Variants in ERBB4 observed in about 807,000 individuals in gnomAD.
The protein encoded by ERBB4 is erb-b2 receptor tyrosine kinase 4.
A neutral mutation model predicts 158.0 loss-of-function variants in ERBB4; 42 were observed. The ratio of observed to expected loss-of-function variants is 0.27; its 90% CI spans 0.21 to 0.34. ERBB4 has a LOEUF of 0.34. Ranked by LOEUF, ERBB4 falls within the 10% of genes least tolerant of loss-of-function variation. The pLI is 1.00. For synonymous variants in ERBB4, 583 were observed against 558.7 expected (o/e 1.04, Z -0.61); for missense variants, 1,333 against 1,624.1 (o/e 0.82, Z 3.08).
intron 25 of ERBB4, among the ~76,000 whole-genome samples, chr2:211,398,187 T>A (rs766954921): frequency 7.2e-5 from 11 of 152,086 alleles, no homozygotes; most frequent in Non-Finnish European, 1.2e-4. Flanking sequence ...ATCTTTCATG[T>A]CTCCTCTACC....
chr2:212,190,140 A>G (rs1478769573), intron 1 of ERBB4, among the ~76,000 whole-genome samples: 1 of 150,684 alleles, frequency 6.6e-6, no homozygotes, highest in East Asian at 1.9e-4. Context: ...AACTAGAAAA[A>G]TTTTCAAATT....
At chr2:212,516,244 CAAAT>C (rs1691835220) in intron 1 of ERBB4, among the ~76,000 whole-genome samples, 1 of 151,760 alleles carries the variant, frequency 6.6e-6, no homozygotes. Flanking sequence ...GATAAGATTA[CAAAT>C]AATATTTTCT....
At chr2:211,874,022 A>T (rs2078428403) in intron 3 of ERBB4, among the ~76,000 whole-genome samples, 2 of 152,080 alleles carry the variant, frequency 1.3e-5, no homozygotes, top group South Asian at 4.1e-4. Flanking sequence ...AAATACAGCC[A>T]GACATGGTGG....
intron 23 of ERBB4, among the ~76,000 whole-genome samples, chr2:211,422,488 CA>C (rs57602784): frequency 0.054 from 5,482 of 102,458 alleles, 142 homozygotes; most frequent in African/African-American, 0.15. Flanking sequence ...TCCTGGTGGA[CA>C]AAAAAAAAAA....
intron 2 of ERBB4, among the ~76,000 whole-genome samples, chr2:212,101,109 T>A (rs2079068697): frequency 6.6e-6 from 1 of 152,030 alleles, no homozygotes; most frequent in Non-Finnish European, 1.5e-5. Context: ...TCAATATTTT[T>A]ATCCACATAT....
chr2:211,587,510 G>T (rs1381553032), intron 19 of ERBB4, among the ~76,000 whole-genome samples: 2 of 152,140 alleles, frequency 1.3e-5, no homozygotes, highest in Non-Finnish European at 2.9e-5. Flanking sequence ...ACAAGCCAAG[G>T]AGCTACCAGA....
intron 20 of ERBB4, among the ~76,000 whole-genome samples, chr2:211,485,989 ATGAG>A (rs1302173400): frequency 6.6e-6 from 1 of 152,154 alleles, no homozygotes; most frequent in Admixed American, 6.5e-5. Flanking sequence ...TGGTTTATAA[ATGAG>A]TATCAGTTGT....
chr2:211,703,486 A>C (rs2073327359), intron 11 of ERBB4, among the ~76,000 whole-genome samples: 1 of 152,238 alleles, frequency 6.6e-6, no homozygotes, highest in South Asian at 2.1e-4. Context: ...AATTTAAAAA[A>C]TTCTTATGCA....
chr2:211,431,152 C>T, intron 20 of ERBB4, 52 bp from the exon 21 acceptor site: 1 of 1,544,248 alleles, frequency 6.5e-7, no homozygotes. Flanking sequence ...CAGGTTTTCC[C>T]ATTTTTCTAA....
intron 20 of ERBB4, 112 bp from the exon 21 acceptor site, chr2:211,431,212 G>A (rs1574477575): frequency 3.3e-6 from 3 of 903,814 alleles, no homozygotes; most frequent in East Asian, 4.9e-5. Context: ...TTTAAGTGAA[G>A]CCAGAATCCT....
chr2:211,482,961 C>A (rs2065121803), intron 20 of ERBB4, among the ~76,000 whole-genome samples: 1 of 151,526 alleles, frequency 6.6e-6, no homozygotes, highest in Non-Finnish European at 1.5e-5. Context: ...AGAAATGATA[C>A]AAATAATATT....
In ERBB4 at chr2:211,383,581, G is replaced by C. The variant is rs899718455; in HGVS notation, c.*34C>G. 6.4e-7 allele frequency: 1 copy of C among 1,563,852 alleles called. No individual in the cohort carries two copies. Among genetic ancestry groups the C allele is most frequent in the Non-Finnish European group, 8.8e-7 (1 of 1,136,308 alleles). On this transcript the variant is annotated 3_prime_UTR_variant, in exon 28 of 28. Coordinates refer to ENST00000342788, the MANE Select transcript of ERBB4 (RefSeq NM_005235.3). ...GAGGGGGGTGGGGAAATTGGAGCAG[G>C]TGTGTCTCTCCACCTAAAAAACCAC...
intron 3 of ERBB4, among the ~76,000 whole-genome samples, chr2:211,940,419 A>AT (rs2080461986): frequency 6.6e-6 from 1 of 151,904 alleles, no homozygotes. Flanking sequence ...TCCCTTATAC[A>AT]TTTTTTTCCT....
intron 19 of ERBB4, among the ~76,000 whole-genome samples, chr2:211,571,450 A>G (rs559011424): frequency 2.6e-5 from 4 of 152,286 alleles, no homozygotes; most frequent in South Asian, 4.1e-4. Context: ...AATAAAATCC[A>G]TTATCTTCAC....
At chr2:211,473,102 C>A (rs959101626) in intron 20 of ERBB4, among the ~76,000 whole-genome samples, 8 of 151,586 alleles carry the variant, frequency 5.3e-5, no homozygotes, top group South Asian at 2.1e-4. Context: ...GAGAAATGAT[C>A]CTGCATTATC....
intron 1 of ERBB4, among the ~76,000 whole-genome samples, chr2:212,290,657 TC>T (rs1315855779): frequency 6.6e-5 from 10 of 151,486 alleles, no homozygotes; most frequent in African/African-American, 2.4e-4. Context: ...ATACTATATT[TC>T]TTTTCGTGTG....
intron 6 of ERBB4, among the ~76,000 whole-genome samples, chr2:211,723,961 C>T (rs551528856): frequency 3.3e-5 from 5 of 152,154 alleles, no homozygotes; most frequent in East Asian, 3.8e-4. Context: ...CTGTGCTTAT[C>T]ATGATAATGG....
chr2:212,244,874 C>A (rs1172113017), intron 1 of ERBB4, among the ~76,000 whole-genome samples: 2 of 152,130 alleles, frequency 1.3e-5, no homozygotes, highest in Non-Finnish European at 2.9e-5. Context: ...GCACTTACCA[C>A]GTGCCAGACA....
intron 20 of ERBB4, among the ~76,000 whole-genome samples, chr2:211,470,177 G>C (rs1035116026): frequency 2.0e-5 from 3 of 152,078 alleles, no homozygotes; most frequent in Non-Finnish European, 4.4e-5. Flanking sequence ...ATGGAAAGAA[G>C]TACGTCCCAC....
Sources: allele counts gnomAD v4.1 joint callset (sites outside exome capture counted in the v4.1 genomes callset), GRCh38; gene constraint gnomAD v4.1.1; transcripts MANE v1.5; gene names NCBI Gene and HGNC (gene_info 2026-07-23, HGNC 2026-07-21).